The following CSMD1 variants were observed in gnomAD, a reference collection of about 807,000 sequenced individuals.
The protein encoded by CSMD1 is CUB and sushi domain-containing protein 1.
Under a neutral mutation model 417.5 loss-of-function variants are expected in CSMD1, and 213 were observed. The ratio of observed to expected loss-of-function variants is 0.51; its 90% CI spans 0.46 to 0.57. The LOEUF (loss-of-function observed/expected upper bound fraction) is 0.57. CSMD1 is among the 20% of genes least tolerant of loss of function. The pLI, the probability that CSMD1 is intolerant of heterozygous loss-of-function variation, is 0.00. For missense variants in CSMD1, 6,923 were observed against 4,529.7 expected (o/e 1.53, Z -15.17); for synonymous variants, 2,862 against 1,736.8 (o/e 1.65, Z -16.11).
intron 5 of CSMD1, among the ~76,000 whole-genome samples, chr8:3,800,926 A>G (rs1800419999): frequency 6.6e-6 from 1 of 152,182 alleles, no homozygotes; most frequent in Non-Finnish European, 1.5e-5. Flanking sequence ...CTCTTTCTTT[A>G]TAATTTATCC....
At chr8:3,423,344 C>T (rs1023239907) in intron 12 of CSMD1, among the ~76,000 whole-genome samples, 4 of 152,172 alleles carry the variant, frequency 2.6e-5, no homozygotes, top group African/African-American at 9.6e-5. Flanking sequence ...TTCTCCCTTT[C>T]CCTTGCTCCT....
At chr8:4,324,943 C>T (rs1202625561) in intron 3 of CSMD1, among the ~76,000 whole-genome samples, 1 of 152,076 alleles carries the variant, frequency 6.6e-6, no homozygotes, top group Admixed American at 6.5e-5. Flanking sequence ...GGGAAGGAGG[C>T]AATTGTATTT....
At chr8:3,269,899 T>A (rs899139702) in intron 26 of CSMD1, among the ~76,000 whole-genome samples, 7 of 152,158 alleles carry the variant, frequency 4.6e-5, no homozygotes, top group African/African-American at 1.7e-4. Context: ...AGCTCCTTTT[T>A]CTAGTGGAGA....
At chr8:3,145,414 C>T (rs531872258) in intron 40 of CSMD1, among the ~76,000 whole-genome samples, 1 of 152,128 alleles carries the variant, frequency 6.6e-6, no homozygotes, top group African/African-American at 2.4e-5. Context: ...CGAAACATAA[C>T]AACTTGCAAG....
At chr8:4,301,840 G>A (rs375952817) in intron 3 of CSMD1, among the ~76,000 whole-genome samples, 60 of 151,816 alleles carry the variant, frequency 4.0e-4, no homozygotes, top group Middle Eastern at 3.4e-3. Flanking sequence ...AGAAAGCATC[G>A]GTGATTTCAC....
chr8:3,177,231 C>A (rs1001923906), intron 37 of CSMD1, among the ~76,000 whole-genome samples: 1 of 152,204 alleles, frequency 6.6e-6, no homozygotes, highest in African/African-American at 2.4e-5. Flanking sequence ...TCGTGTGACT[C>A]TGGATGCAGA....
At chr8:4,682,443 T>C (rs1386649941) in intron 1 of CSMD1, among the ~76,000 whole-genome samples, 1 of 152,046 alleles carries the variant, frequency 6.6e-6, no homozygotes, top group Non-Finnish European at 1.5e-5. Context: ...TTGCTATGAA[T>C]TTTTTTTCAT....
intron 25 of CSMD1, among the ~76,000 whole-genome samples, chr8:3,294,209 C>A (rs578108997): frequency 6.8e-6 from 1 of 147,544 alleles, no homozygotes; most frequent in Non-Finnish European, 1.5e-5. Context: ...AGTACCAGGC[C>A]GTGTGAGGTG....
At position 4,750,107 on chromosome 8, in the gene CSMD1, C is replaced by G. The variant is rs964337065; in HGVS notation, c.86-112549G>C. Among the ~76,000 whole-genome samples, 1,018 of 152,198 alleles carry G rather than the reference C, an allele frequency of 6.7e-3. 8 individuals are homozygous for G. Among genetic ancestry groups the G allele is most frequent in the African/African-American group, 0.022 (906 of 41,526 alleles). On this transcript the variant is annotated intron_variant, in intron 1 of 69. Transcript: ENST00000635120. ...CGCAAGCTCCGCCTCCCGGGTTCACCCCATTCTCCTGCCTCAGCCTCCCGA... is the reference window on the plus strand; with the variant it reads ...CGCAAGCTCCGCCTCCCGGGTTCACGCCATTCTCCTGCCTCAGCCTCCCGA...
chr8:4,554,116 A>G (rs1175710516), intron 2 of CSMD1, among the ~76,000 whole-genome samples: 1 of 152,170 alleles, frequency 6.6e-6, no homozygotes, highest in Non-Finnish European at 1.5e-5. Flanking sequence ...TTATTATATT[A>G]GTCACTTGTG....
intron 5 of CSMD1, among the ~76,000 whole-genome samples, chr8:3,994,235 G>GA (rs1563295807): frequency 6.8e-6 from 1 of 146,238 alleles, no homozygotes; most frequent in African/African-American, 2.4e-5. Flanking sequence ...GAAGGGTATG[G>GA]AAGCCTGTTT....
intron 37 of CSMD1, among the ~76,000 whole-genome samples, chr8:3,172,483 T>C (rs1261545694): frequency 2.0e-5 from 3 of 152,218 alleles, no homozygotes; most frequent in Admixed American, 6.5e-5. Flanking sequence ...AGGTGTTTTC[T>C]TTCTAATTGT....
intron 3 of CSMD1, among the ~76,000 whole-genome samples, chr8:4,230,960 G>C (rs1009339231): frequency 6.6e-6 from 1 of 151,976 alleles, no homozygotes; most frequent in African/African-American, 2.4e-5. Context: ...CATGTGCTTA[G>C]ATTATTTCAT....
In CSMD1 at chr8:3,108,620, A is replaced by C; in HGVS notation, c.6737T>G (p.Phe2246Cys). Residue 2246 changes from phenylalanine to cysteine, a missense_variant, in exon 44 of 70, where the codon TTT (phenylalanine) becomes TGT (cysteine). Phe to Cys is a radical substitution (Grantham distance 205). Transcript: ENST00000635120. ...CAACTGACCGTGGAAATTGAGGACA[A>C]AGAAGCCTCCATTTGAAAAGTCGCT... is the stretch of plus-strand genomic sequence containing the variant. ...FHSDFSNGGFFVLNFHAFQLK... is the reference protein window; with the variant it reads ...FHSDFSNGGFCVLNFHAFQLK... The C allele has an allele frequency of 6.2e-7, 1 of 1,613,810 alleles. No homozygotes were observed.
chr8:4,770,030 G>C (rs931785174), intron 1 of CSMD1, among the ~76,000 whole-genome samples: 1 of 151,812 alleles, frequency 6.6e-6, no homozygotes, highest in Admixed American at 6.6e-5. Flanking sequence ...TGTTACTCCG[G>C]TTCCTTTCTC....
rs143103193 is a variant in CSMD1, at chr8:4,378,790, T to C, written c.415+41163A>G. ...CTCTCATGAATGGGATTACTGCCCT[T>C]GTAAGACGTCAAGGGAGCTTTTTCC... On this transcript the variant is annotated intron_variant, in intron 3 of 69. Coordinates refer to ENST00000635120, the MANE Select transcript of CSMD1 (RefSeq NM_033225.6). Among the ~76,000 whole-genome samples, 1,307 of 152,278 alleles carry C rather than the reference T, an allele frequency of 8.6e-3. 14 individuals carry two copies. The highest frequency in any genetic ancestry group is 0.051 in the Middle Eastern group (15 of 292).
At chr8:3,926,090 C>CCAT (rs1809672078) in intron 5 of CSMD1, among the ~76,000 whole-genome samples, 1 of 41,594 alleles carries the variant, frequency 2.4e-5, no homozygotes, top group African/African-American at 2.7e-4. Flanking sequence ...CATACACACA[C>CCAT]ACACACACAC....
chr8:4,178,615 C>A (rs988742340), intron 3 of CSMD1, among the ~76,000 whole-genome samples: 2 of 151,866 alleles, frequency 1.3e-5, no homozygotes, highest in African/African-American at 4.8e-5. Context: ...AAAGGGTATT[C>A]AATTAGGAAA....
intron 7 of CSMD1, among the ~76,000 whole-genome samples, chr8:3,641,784 G>C (rs949355530): frequency 4.6e-5 from 7 of 152,120 alleles, no homozygotes; most frequent in Non-Finnish European, 7.4e-5. Context: ...ACTACCTCCT[G>C]GTTCTCAAAA....
Sources: gnomAD v4.1 joint callset for allele counts (sites outside exome capture counted in the v4.1 genomes callset) on GRCh38, gnomAD v4.1.1 for gene constraint, MANE v1.5 for transcripts, NCBI Gene and HGNC (gene_info 2026-07-23, HGNC 2026-07-21) for gene names.